Variants in TLL1 observed in about 807,000 individuals in gnomAD.
The protein encoded by TLL1 is tolloid-like protein 1.
TLL1 carries 49 observed loss-of-function variants against 128.2 expected under a neutral mutation model. That is an observed-to-expected ratio of 0.38 (90% confidence interval 0.30 to 0.48). The LOEUF (loss-of-function observed/expected upper bound fraction) is 0.48, where lower values mean the gene tolerates loss of function less well. Ranked by LOEUF, TLL1 falls within the 20% of genes least tolerant of loss-of-function variation. TLL1 has a pLI of 0.96. For missense variants in TLL1, 1,123 were observed against 1,242.0 expected (o/e 0.90, Z 1.44); for synonymous variants, 454 against 418.8 (o/e 1.08, Z -1.03).
chr4:166,051,505 G>A (rs1393855), intron 12 of TLL1, among the ~76,000 whole-genome samples: 47,554 of 151,744 alleles, frequency 0.31, 7,526 homozygotes, highest in East Asian at 0.46. Flanking sequence ...ATTAATTGAT[G>A]AAGTAATTTG....
intron 9 of TLL1, among the ~76,000 whole-genome samples, chr4:166,035,099 T>C (rs1442848258): frequency 6.6e-6 from 1 of 152,174 alleles, no homozygotes; most frequent in Non-Finnish European, 1.5e-5. Flanking sequence ...ATATGAATTT[T>C]GGAGGGACAT....
intron 1 of TLL1, among the ~76,000 whole-genome samples, chr4:165,880,864 T>A (rs1302860311): frequency 6.6e-6 from 1 of 152,218 alleles, no homozygotes; most frequent in Non-Finnish European, 1.5e-5. Context: ...GAGCCACCTC[T>A]GGTAGCTCCT....
intron 5 of TLL1, among the ~76,000 whole-genome samples, chr4:165,997,852 T>C (rs1736953096): frequency 6.6e-6 from 1 of 152,226 alleles, no homozygotes; most frequent in African/African-American, 2.4e-5. Flanking sequence ...CACATGCATG[T>C]TTCTAAATAT....
Position 165,873,635 on chromosome 4 carries a change from G to C in TLL1, c.-270G>C. On this transcript the variant is annotated 5_prime_UTR_variant, in exon 1 of 21. Coordinates refer to ENST00000061240, the MANE Select transcript of TLL1 (RefSeq NM_012464.5). ...AGCCGAGTTTGCCTGCGCCCTCCCC[G>C]CCTCCGAGTGCAGAGTTCCTTACCT... 3.2e-6 allele frequency: 1 copy of C among 309,764 alleles called. No individual in the cohort carries two copies. Among genetic ancestry groups the C allele is most frequent in the African/African-American group, 2.2e-5 (1 of 46,438 alleles). The allele number at this position is 309,764 out of a possible 1,614,324, so 19.2% of individuals were successfully genotyped here.
intron 1 of TLL1, among the ~76,000 whole-genome samples, chr4:165,984,523 A>C (rs1263543728): frequency 1.3e-5 from 2 of 151,948 alleles, no homozygotes; most frequent in South Asian, 2.1e-4. Context: ...CATTGTGAGC[A>C]AGACCGGTCA....
rs575232853 is a variant in TLL1, at chr4:165,901,159, A to G, written c.169+27086A>G. Among the ~76,000 whole-genome samples the G allele has an allele frequency of 3.9e-5, 6 of 152,194 alleles. No homozygotes were observed. The South Asian group carries it at 8.3e-4, about 21-fold the overall frequency. On this transcript the variant is annotated intron_variant, in intron 1 of 20. Transcript: ENST00000061240. ...CCTCTAAACTTTTTTCAAGGTTCTTAGTTTCCTTGCATTGGATTAGAACAT... is the reference window on the plus strand; with the variant it reads ...CCTCTAAACTTTTTTCAAGGTTCTTGGTTTCCTTGCATTGGATTAGAACAT...
At chr4:166,063,434 G>A (rs1348301577) in intron 15 of TLL1, among the ~76,000 whole-genome samples, 4 of 152,128 alleles carry the variant, frequency 2.6e-5, no homozygotes, top group Admixed American at 6.6e-5. Context: ...ACAGTGTGAC[G>A]ATTCCTCAAG....
intron 19 of TLL1, among the ~76,000 whole-genome samples, chr4:166,093,522 A>T (rs199693270): frequency 6.6e-6 from 1 of 152,158 alleles, no homozygotes; most frequent in Non-Finnish European, 1.5e-5. Flanking sequence ...GAACAAATGT[A>T]CAATCGGGTT....
rs78054606 is a variant in TLL1, at chr4:165,931,842, A to G, written c.170-57539A>G. Among the ~76,000 whole-genome samples the G allele has an allele frequency of 3.9e-5, 6 of 152,330 alleles. No individual in the cohort carries two copies. In the East Asian group the frequency reaches 1.2e-3, roughly 29 times the overall value. Reference sequence around the variant, plus strand: ...GAGAAAGTGCCCTGAGGCAAAGACAAATTCTTAGCAGGTGGCTTGATAATT... The same window carrying G: ...GAGAAAGTGCCCTGAGGCAAAGACAGATTCTTAGCAGGTGGCTTGATAATT... On this transcript the variant is annotated intron_variant, in intron 1 of 20. Coordinates refer to ENST00000061240, the MANE Select transcript of TLL1 (RefSeq NM_012464.5).
At chr4:166,051,396 G>T (rs114539699) in intron 12 of TLL1, among the ~76,000 whole-genome samples, 4,177 of 146,238 alleles carry the variant, frequency 0.029, 221 homozygotes, top group African/African-American at 0.1. Context: ...ATCGCCTTTG[G>T]TGTTCTTTTA....
intron 1 of TLL1, among the ~76,000 whole-genome samples, chr4:165,924,491 G>C (rs1309886235): frequency 6.6e-6 from 1 of 152,208 alleles, no homozygotes; most frequent in Non-Finnish European, 1.5e-5. Context: ...GGCTATGAAG[G>C]CTGAGTGAGG....
chr4:165,991,019 G>A (rs1303123701), intron 2 of TLL1, among the ~76,000 whole-genome samples: 2 of 151,892 alleles, frequency 1.3e-5, no homozygotes, highest in African/African-American at 4.8e-5. Context: ...GTAGAGCAAT[G>A]ATACAACAAT....
chr4:166,068,209 C>T (rs1001346851), intron 16 of TLL1, among the ~76,000 whole-genome samples: 8 of 151,454 alleles, frequency 5.3e-5, no homozygotes, highest in African/African-American at 1.7e-4. Context: ...AAGATGTTTG[C>T]CCAGGAAAAG....
intron 14 of TLL1, among the ~76,000 whole-genome samples, chr4:166,058,529 C>T (rs1740138020): frequency 6.6e-6 from 1 of 152,086 alleles, no homozygotes; most frequent in Non-Finnish European, 1.5e-5. Context: ...AAAGCATTTT[C>T]TTACCATTAT....
At chr4:166,046,155 T>C (rs1332526956) in intron 12 of TLL1, among the ~76,000 whole-genome samples, 1 of 152,152 alleles carries the variant, frequency 6.6e-6, no homozygotes, top group East Asian at 1.9e-4. Flanking sequence ...TGTTGGGTAA[T>C]AGATGAGAAA....
chr4:166,057,277 A>T lies in TLL1; in HGVS notation c.1814A>T (p.Tyr605Phe), dbSNP rs777194759. 2.5e-6 allele frequency: 4 copies of T among 1,613,760 alleles called. No individual in the cohort carries two copies. The highest frequency in any genetic ancestry group is 3.3e-5 in the Admixed American group (2 of 59,958). Residue 605 changes from tyrosine to phenylalanine, a missense_variant, in exon 14 of 21, where the codon TAT becomes TTT. This residue lies in a region of TLL1 where 634 missense variants were observed against 672.4 expected (regional missense o/e 0.94). Coordinates refer to ENST00000061240, the MANE Select transcript of TLL1 (RefSeq NM_012464.5). The part of the protein sequence containing the change: ...GSYQCACEPG[Y>F]ELGPDRRSCE... ...TACCAGTGTGCCTGTGAGCCTGGCT[A>T]TGAGCTGGGCCCAGACAGAAGGAGC...
At chr4:165,905,936 C>G (rs1359619152) in intron 1 of TLL1, among the ~76,000 whole-genome samples, 2 of 152,092 alleles carry the variant, frequency 1.3e-5, no homozygotes, top group Non-Finnish European at 2.9e-5. Context: ...TCATTACGTT[C>G]TAGGAATGAT....
intron 6 of TLL1, among the ~76,000 whole-genome samples, chr4:166,004,170 A>G (rs1328533928): frequency 6.6e-6 from 1 of 152,142 alleles, no homozygotes; most frequent in African/African-American, 2.4e-5. Flanking sequence ...GATAGTTGAT[A>G]TTTGATAATG....
chr4:166,065,522 G>A (rs961298750), intron 15 of TLL1, among the ~76,000 whole-genome samples, 161 bp from the exon 16 acceptor site: 2 of 151,964 alleles, frequency 1.3e-5, no homozygotes, highest in Non-Finnish European at 2.9e-5. Context: ...GGGATTACAG[G>A]CATGAGTCAC....
Sources: allele counts gnomAD v4.1 joint callset (sites outside exome capture counted in the v4.1 genomes callset), GRCh38; gene constraint gnomAD v4.1.1; regional missense constraint gnomAD v4.1.1; transcripts MANE v1.5; gene names NCBI Gene and HGNC (gene_info 2026-07-23, HGNC 2026-07-21).